PXYLP1: variants seen among roughly 807,000 people sequenced by gnomAD.
PXYLP1 encodes 2-phosphoxylose phosphatase 1.
A neutral mutation model predicts 37.9 loss-of-function variants in PXYLP1; 17 were observed. The observed-to-expected ratio is 0.45, with a 90% confidence interval of 0.31 to 0.67. The LOEUF is 0.67. Among genes scored for constraint, PXYLP1 ranks in the 30% least tolerant of loss-of-function variants. The pLI is 0.07. For missense variants in PXYLP1, 511 were observed against 612.0 expected (o/e 0.84, Z 1.74); for synonymous variants, 221 against 232.2 (o/e 0.95, Z 0.44).
chr3:141,283,057 C>T (rs1404753146), intron 4 of PXYLP1, among the ~76,000 whole-genome samples: 3 of 152,008 alleles, frequency 2.0e-5, no homozygotes, highest in Non-Finnish European at 4.4e-5. Context: ...ACCTCTGCCT[C>T]CCAGGTTCAA....
At chr3:141,242,520 G>C (rs1411393347) in intron 1 of PXYLP1, among the ~76,000 whole-genome samples, 3 of 152,210 alleles carry the variant, frequency 2.0e-5, no homozygotes, top group Admixed American at 1.3e-4. Context: ...TGGTTCCAAG[G>C]GTGATTTCCT....
At chr3:141,274,157 C>T (rs1275863904) in intron 2 of PXYLP1, 6 of 1,018,462 alleles carry the variant, frequency 5.9e-6, no homozygotes, top group Non-Finnish European at 5.9e-6. Flanking sequence ...TGTCTGCCCC[C>T]AGCCCCTGGG....
Position 141,278,459 on chromosome 3 carries a change from T to A in PXYLP1, c.197T>A (p.Leu66Ter). The change falls in exon 3 of 6, where the codon TTG becomes TAG. Residue 66 changes from leucine (L) to a stop codon, truncating the protein, a stop_gained. Coordinates refer to ENST00000286353, the MANE Select transcript of PXYLP1 (RefSeq NM_001037172.3). LOFTEE classifies it high-confidence loss of function. ...PVTDPVYEAL[L>*]YCNIPSVAER... ...ACAGACCCCGTTTATGAAGCTCTTT[T>A]GTACTGCAACATCCCCAGCGTGGCC... The A allele has an allele frequency of 6.2e-7, 1 of 1,614,226 alleles. No individual in the cohort carries two copies. The highest frequency in any genetic ancestry group is 8.5e-7 in the Non-Finnish European group (1 of 1,180,038).
chr3:141,243,216 TATG>T, intron 1 of PXYLP1, among the ~76,000 whole-genome samples: 1 of 152,154 alleles, frequency 6.6e-6, no homozygotes, highest in Admixed American at 6.5e-5. Flanking sequence ...CCACCAGTTG[TATG>T]ATGATACAGC....
intron 1 of PXYLP1, among the ~76,000 whole-genome samples, chr3:141,234,033 A>G (rs1940598565): frequency 6.6e-6 from 1 of 152,066 alleles, no homozygotes. Flanking sequence ...TCTACCACAT[A>G]GGGGTACTCA....
intron 1 of PXYLP1, among the ~76,000 whole-genome samples, chr3:141,256,015 T>A (rs780028712): frequency 2.0e-5 from 3 of 152,158 alleles, no homozygotes; most frequent in Non-Finnish European, 2.9e-5. Flanking sequence ...CAGACGTGGC[T>A]GCCTACCCTG....
chr3:141,254,533 A>G (rs1449789023), intron 1 of PXYLP1, among the ~76,000 whole-genome samples: 1 of 152,158 alleles, frequency 6.6e-6, no homozygotes, highest in African/African-American at 2.4e-5. Flanking sequence ...TGGGGTTTCC[A>G]GGAGGCTCTG....
intron 2 of PXYLP1, chr3:141,274,555 C>A: frequency 8.8e-7 from 1 of 1,137,728 alleles, no homozygotes; most frequent in Non-Finnish European, 1.3e-6. Flanking sequence ...ACCCTCAGTG[C>A]TCCACATGAG....
chr3:141,248,572 CACACAT>C (rs1559881402), intron 1 of PXYLP1, among the ~76,000 whole-genome samples: 2 of 108,622 alleles, frequency 1.8e-5, no homozygotes, highest in African/African-American at 4.4e-5. Context: ...TATATATATA[CACACAT>C]GTATATATAC....
At chr3:141,289,410 A>G (rs916679917) in intron 5 of PXYLP1, among the ~76,000 whole-genome samples, 5 of 152,050 alleles carry the variant, frequency 3.3e-5, no homozygotes, top group Admixed American at 2.0e-4. Flanking sequence ...CCCAGCCCCT[A>G]CCCACTAGGT....
At chr3:141,279,017 T>G (rs768230760) in intron 3 of PXYLP1, among the ~76,000 whole-genome samples, 5 of 152,240 alleles carry the variant, frequency 3.3e-5, no homozygotes, top group Admixed American at 6.5e-5. Context: ...CATGAAAGAT[T>G]TAAAGCAGAA....
chr3:141,253,559 G>A (rs568641426), intron 1 of PXYLP1, among the ~76,000 whole-genome samples: 5 of 152,116 alleles, frequency 3.3e-5, no homozygotes, highest in Admixed American at 2.0e-4. Flanking sequence ...CCAATCTGCC[G>A]TATCCTAGCC....
chr3:141,256,248 G>A (rs1233153963), intron 1 of PXYLP1, among the ~76,000 whole-genome samples: 5 of 152,108 alleles, frequency 3.3e-5, no homozygotes, highest in South Asian at 2.1e-4. Flanking sequence ...GCTCCCCACC[G>A]CCACCTGCTC....
chr3:141,277,122 G>T (rs1327218418), intron 2 of PXYLP1, among the ~76,000 whole-genome samples: 1 of 152,110 alleles, frequency 6.6e-6, no homozygotes, highest in Non-Finnish European at 1.5e-5. Flanking sequence ...TTCTCTCAGT[G>T]TGTTGCCTTT....
At chr3:141,254,609 A>G (rs1941219400) in intron 1 of PXYLP1, among the ~76,000 whole-genome samples, 1 of 152,204 alleles carries the variant, frequency 6.6e-6, no homozygotes, top group African/African-American at 2.4e-5. Context: ...TGATTTGGCA[A>G]TTAAACTCCA....
Position 141,278,505 on chromosome 3 carries a change from G to A in PXYLP1, c.238+5G>A. ...TGGCCGAGCGCAGCATGGAAGGTAGGCCTGACTGTGCCACCAGGACAGATA... is the reference window on the plus strand; with the variant it reads ...TGGCCGAGCGCAGCATGGAAGGTAGACCTGACTGTGCCACCAGGACAGATA... On this transcript the variant is annotated splice_donor_5th_base_variant and intron_variant, in intron 3 of 5. Coordinates refer to ENST00000286353, the MANE Select transcript of PXYLP1 (RefSeq NM_001037172.3). The A allele has an allele frequency of 6.2e-7, 1 of 1,614,098 alleles. No homozygotes were observed. The highest frequency in any genetic ancestry group is 8.5e-7 in the Non-Finnish European group (1 of 1,179,990).
intron 2 of PXYLP1, 112 bp downstream of exon 2, chr3:141,260,366 C>G (rs1941363298): frequency 7.9e-7 from 1 of 1,269,192 alleles, no homozygotes; most frequent in African/African-American, 1.5e-5. Flanking sequence ...ACAACGAAGT[C>G]TTTTTATTGT....
intron 2 of PXYLP1, chr3:141,274,455 C>T: frequency 6.7e-7 from 1 of 1,497,534 alleles, no homozygotes; most frequent in Non-Finnish European, 8.9e-7. Flanking sequence ...TTCCCCTCCA[C>T]ACAGCCAGCT....
chr3:141,262,222 A>G, intron 2 of PXYLP1: 3 of 937,150 alleles, frequency 3.2e-6, no homozygotes, highest in Non-Finnish European at 3.8e-6. Context: ...AGAATTTAAA[A>G]TACTCGTTTT....
Sources: allele counts gnomAD v4.1 joint callset (sites outside exome capture counted in the v4.1 genomes callset), GRCh38; gene constraint gnomAD v4.1.1; transcripts MANE v1.5; gene names NCBI Gene and HGNC (gene_info 2026-07-23, HGNC 2026-07-21).